CDC42BPB: variants seen among roughly 807,000 people sequenced by gnomAD.
CDC42BPB encodes the protein CDC42 binding protein kinase beta.
Under a neutral mutation model 214.9 loss-of-function variants are expected in CDC42BPB, and 37 were observed. The ratio of observed to expected loss-of-function variants is 0.17; its 90% confidence interval spans 0.13 to 0.23. The LOEUF is 0.23. CDC42BPB is among the 10% of genes least tolerant of loss of function. The pLI is 1.00. For synonymous variants in CDC42BPB, 931 were observed against 884.0 expected (o/e 1.05, Z -0.94); for missense variants, 1,694 against 2,227.0 (o/e 0.76, Z 4.82).
In CDC42BPB at chr14:102,947,867, C is replaced by T. The variant is rs967965504; in HGVS notation, c.3450-65G>A. 11 of 1,585,228 alleles carry T rather than the reference C, an allele frequency of 6.9e-6. No individual in the cohort carries two copies. The Admixed American group carries it at 1.5e-4, about 22-fold the overall frequency. ...GCACAGGACCCAAGGCCCTCCCACG[C>T]CCTGCCCTGCCCTGCCCTGCCATGT... On this transcript the variant is annotated intron_variant, in intron 26 of 36. Coordinates refer to ENST00000361246, the MANE Select transcript of CDC42BPB (RefSeq NM_006035.4).
intron 11 of CDC42BPB, among the ~76,000 whole-genome samples, chr14:102,975,042 A>G (rs535942599): frequency 9.8e-5 from 15 of 152,368 alleles, no homozygotes; most frequent in Admixed American, 5.9e-4. Context: ...CAGCAGGTCT[A>G]GCACCTACAA....
intron 14 of CDC42BPB, among the ~76,000 whole-genome samples, chr14:102,969,057 G>C (rs917190953): frequency 2.0e-5 from 3 of 152,258 alleles, no homozygotes; most frequent in Non-Finnish European, 4.4e-5. Context: ...CTGCTCTCTT[G>C]GGGCTGGCGG....
intron 5 of CDC42BPB, among the ~76,000 whole-genome samples, chr14:102,994,371 T>TA (rs1196258302): frequency 1.1e-5 from 1 of 87,178 alleles, no homozygotes; most frequent in Non-Finnish European, 3.3e-5. Context: ...TGGTGGTTGA[T>TA]TTTTTTTTTT....
At chr14:103,045,431 C>T (rs528730507) in intron 1 of CDC42BPB, among the ~76,000 whole-genome samples, 170 of 152,296 alleles carry the variant, frequency 1.1e-3, no homozygotes, top group Non-Finnish European at 2.3e-3. Context: ...CCCCACATCA[C>T]GTGGTCTCCA....
At chr14:102,983,807 A>C (rs570687650) in intron 6 of CDC42BPB, 51 bp from the exon 7 acceptor site, 1 of 1,569,546 alleles carries the variant, frequency 6.4e-7, no homozygotes, top group African/African-American at 1.4e-5. Context: ...CTCCAATCAC[A>C]TATTTCCAAC....
chr14:102,969,058 G>A (rs35582420), intron 14 of CDC42BPB, among the ~76,000 whole-genome samples: 203 of 152,352 alleles, frequency 1.3e-3, no homozygotes, highest in Middle Eastern at 3.4e-3. Flanking sequence ...TGCTCTCTTG[G>A]GGCTGGCGGG....
rs1891721651 is a variant in CDC42BPB at position 102,938,148 on chromosome 14, G to A, written c.4960C>T (p.Pro1654Ser). 4 of 1,613,734 alleles carry A rather than the reference G, an allele frequency of 2.5e-6. No homozygotes were observed. The highest frequency in any genetic ancestry group is 3.3e-5 in the Admixed American group (2 of 59,998). The change falls in exon 36 of 37, where the codon CCT becomes TCT. Residue 1654 changes from proline (P) to serine (S), a missense_variant. This residue lies in a region of CDC42BPB where 146 missense variants were observed against 134.1 expected (regional missense o/e 1.09). Transcript: ENST00000361246. ...TCTGGATCAGACATACTTCTCAGAG[G>A]CACAGTCACGCTAGGCTCCGATCCA... ...SGGSEPSVTV[P>S]LRSMSDPDQD...
At chr14:103,031,682 G>A (rs371652804) in intron 1 of CDC42BPB, among the ~76,000 whole-genome samples, 63 of 152,282 alleles carry the variant, frequency 4.1e-4, no homozygotes, top group African/African-American at 1.3e-3. Context: ...GCTCTCAGCA[G>A]GAAGGGCCTG....
intron 1 of CDC42BPB, among the ~76,000 whole-genome samples, chr14:103,019,741 TCTC>T (rs941622340): frequency 2.0e-5 from 3 of 152,206 alleles, no homozygotes; most frequent in East Asian, 1.9e-4. Context: ...GGAGAAATTT[TCTC>T]CTCATCAATC....
chr14:103,017,372 T>C (rs931814024), intron 1 of CDC42BPB, among the ~76,000 whole-genome samples: 2 of 152,010 alleles, frequency 1.3e-5, no homozygotes, highest in East Asian at 1.9e-4. Flanking sequence ...GATATTAACA[T>C]ATAAAATTTA....
chr14:102,951,707 A>T (rs934389304), intron 24 of CDC42BPB, among the ~76,000 whole-genome samples: 2 of 152,028 alleles, frequency 1.3e-5, no homozygotes, highest in Non-Finnish European at 1.5e-5. Flanking sequence ...GAATCACTTG[A>T]ATCTGGGAGG....
chr14:102,947,669 C>G (rs1285475749), intron 27 of CDC42BPB, 52 bp downstream of exon 27: 1 of 1,459,464 alleles, frequency 6.9e-7, no homozygotes, highest in Non-Finnish European at 9.6e-7. Flanking sequence ...ATGCCTAGAA[C>G]AATCAGTTTT....
At chr14:102,953,677 A>C (rs1180786243) in intron 23 of CDC42BPB, among the ~76,000 whole-genome samples, 1 of 152,234 alleles carries the variant, frequency 6.6e-6, no homozygotes. Context: ...GTTACAGAAG[A>C]AGCCGAGGCC....
chr14:102,944,560 A>G lies in CDC42BPB; in HGVS notation c.3812-73T>C, dbSNP rs1324079608. The G allele has an allele frequency of 4.5e-6, 7 of 1,547,236 alleles. No homozygotes were observed. Among genetic ancestry groups the G allele is most frequent in the South Asian group, 3.8e-5 (3 of 79,100 alleles). On this transcript the variant is annotated intron_variant, in intron 29 of 36. Transcript: ENST00000361246. The surrounding 1 kb of genome is among the most constrained non-coding windows in gnomAD (Gnocchi z 6.6). ...CTCCCAGGGGCTGACGGCCTTGGCTAAAGACTTGCCTGGAACACTCTGGGG... is the reference window on the plus strand; with the variant it reads ...CTCCCAGGGGCTGACGGCCTTGGCTGAAGACTTGCCTGGAACACTCTGGGG...
In CDC42BPB at chr14:103,043,799, G is replaced by A. The variant is rs550854340; in HGVS notation, c.175+13200C>T. On this transcript the variant is annotated intron_variant, in intron 1 of 36. Coordinates refer to ENST00000361246, the MANE Select transcript of CDC42BPB (RefSeq NM_006035.4). ...AAATTTCTCTATATTGCTGACAGCTGGTTTCTGTTTAAAACTCCTCCTAAC... is the reference window on the plus strand; with the variant it reads ...AAATTTCTCTATATTGCTGACAGCTAGTTTCTGTTTAAAACTCCTCCTAAC... 4.0e-5 allele frequency among the ~76,000 whole-genome samples: 6 copies of A among 150,908 alleles called. No homozygotes were observed. In the East Asian group the frequency reaches 9.6e-4, roughly 24 times the overall value.
intron 4 of CDC42BPB, among the ~76,000 whole-genome samples, chr14:103,003,487 G>A (rs926981096): frequency 6.6e-6 from 1 of 152,176 alleles, no homozygotes; most frequent in African/African-American, 2.4e-5. Context: ...AAAACCTGTC[G>A]AAAGGGCCTG....
intron 14 of CDC42BPB, chr14:102,968,922 G>A (rs1893346444): frequency 1.0e-6 from 1 of 983,704 alleles, no homozygotes; most frequent in Non-Finnish European, 1.2e-6. Context: ...AGGGGGATGT[G>A]CCCAGGTCTG....
At chr14:102,995,208 C>T (rs150148493) in intron 5 of CDC42BPB, among the ~76,000 whole-genome samples, 158 of 150,460 alleles carry the variant, frequency 1.1e-3, no homozygotes, top group African/African-American at 3.6e-3. Context: ...GAGTATCGCT[C>T]TTGTTCTCCA....
At chr14:102,995,506 G>A (rs1894686983) in intron 5 of CDC42BPB, among the ~76,000 whole-genome samples, 1 of 152,198 alleles carries the variant, frequency 6.6e-6, no homozygotes, top group Non-Finnish European at 1.5e-5. Context: ...TGTCATTCAT[G>A]ATCTCTGCCT....
Sources: gnomAD v4.1 joint callset for allele counts (sites outside exome capture counted in the v4.1 genomes callset) on GRCh38, gnomAD v4.1.1 for gene constraint, gnomAD v4.1.1 regional missense constraint, Gnocchi (gnomAD v3.1) non-coding constraint, MANE v1.5 for transcripts, NCBI Gene and HGNC (gene_info 2026-07-23, HGNC 2026-07-21) for gene names.